PLA2G4C: variants seen among roughly 807,000 people sequenced by gnomAD.
PLA2G4C encodes the protein phospholipase A2 group IVC.
PLA2G4C carries 64 observed loss-of-function variants against 73.8 expected under a neutral mutation model. That is an observed-to-expected ratio of 0.87 (90% confidence interval 0.71 to 1.07). PLA2G4C has a LOEUF of 1.07. PLA2G4C is among the 50% of genes least tolerant of loss of function. The pLI is 0.00. For missense variants in PLA2G4C, 622 were observed against 665.4 expected (o/e 0.93, Z 0.72); for synonymous variants, 254 against 252.1 (o/e 1.01, Z -0.07).
At chr19:48,061,957 A>G in intron 14 of PLA2G4C, 41 bp downstream of exon 14, 1 of 1,602,988 alleles carries the variant, frequency 6.2e-7, no homozygotes, top group Middle Eastern at 1.7e-4. Flanking sequence ...GCCGCAGCCC[A>G]CCTCCCACCC....
chr19:48,083,610 G>A (rs563890461), intron 10 of PLA2G4C, among the ~76,000 whole-genome samples: 107 of 151,558 alleles, frequency 7.1e-4, no homozygotes, highest in Admixed American at 2.0e-3. Flanking sequence ...ACCACGCCCG[G>A]CTAATTTTGT....
chr19:48,083,839 T>G lies in PLA2G4C; in HGVS notation c.844+1220A>C, dbSNP rs1049830046. Reference sequence around the variant, plus strand: ...TGAGAGGTGGAGCTGGGATGTGGATTCAGGCAGACAGGCTTTGGATCAGAA... The same window carrying G: ...TGAGAGGTGGAGCTGGGATGTGGATGCAGGCAGACAGGCTTTGGATCAGAA... On this transcript the variant is annotated intron_variant, in intron 10 of 16. Coordinates refer to ENST00000599921, the MANE Select transcript of PLA2G4C (RefSeq NM_003706.3). 3.1e-4 allele frequency among the ~76,000 whole-genome samples: 47 copies of G among 152,066 alleles called. 1 individual carries two copies. Among genetic ancestry groups the G allele is most frequent in the African/African-American group, 8.2e-4 (34 of 41,400 alleles).
chr19:48,085,747 C>T (rs922312365), intron 9 of PLA2G4C, among the ~76,000 whole-genome samples: 14 of 152,142 alleles, frequency 9.2e-5, no homozygotes, highest in African/African-American at 2.4e-4. Flanking sequence ...TGAAGGGCTG[C>T]GAGTCCCCAG....
intron 16 of PLA2G4C, among the ~76,000 whole-genome samples, chr19:48,049,852 C>T (rs1346501076): frequency 6.6e-6 from 1 of 152,230 alleles, no homozygotes; most frequent in Non-Finnish European, 1.5e-5. Flanking sequence ...CCCCTGTTCA[C>T]ACCTTGATCT....
At chr19:48,107,465 CAA>C (rs1491559269) in intron 1 of PLA2G4C, among the ~76,000 whole-genome samples, 3 of 146,644 alleles carry the variant, frequency 2.0e-5, no homozygotes, top group African/African-American at 7.8e-5. Flanking sequence ...GACCAGAAGA[CAA>C]GTGTGAGCCC....
chr19:48,105,085 A>AT (rs2032104042), intron 3 of PLA2G4C, among the ~76,000 whole-genome samples: 2 of 105,812 alleles, frequency 1.9e-5, no homozygotes, highest in South Asian at 5.1e-4. Context: ...GTTGTCTCAA[A>AT]AAAAAAAAAA....
intron 11 of PLA2G4C, among the ~76,000 whole-genome samples, chr19:48,077,554 A>C (rs901606288): frequency 6.6e-6 from 1 of 152,170 alleles, no homozygotes; most frequent in African/African-American, 2.4e-5. Context: ...AATTCCTATC[A>C]AAATACTATC....
intron 16 of PLA2G4C, among the ~76,000 whole-genome samples, chr19:48,049,935 T>G (rs1447509919): frequency 1.3e-5 from 2 of 152,208 alleles, no homozygotes; most frequent in Non-Finnish European, 2.9e-5. Flanking sequence ...TGGTACTTTT[T>G]TCTTTGAGAC....
intron 10 of PLA2G4C, among the ~76,000 whole-genome samples, chr19:48,082,496 C>CTTTTTTTTTTTTTTTTTTTTTTTTTTT (rs66641645): frequency 9.4e-5 from 10 of 106,278 alleles, no homozygotes; most frequent in African/African-American, 2.6e-4. Flanking sequence ...TTCTTTCTTT[C>CTTTTTTTTTTTTTTTTTTTTTTTTTTT]TTTTTTTTTT....
At chr19:48,073,898 G>A (rs946212850) in intron 12 of PLA2G4C, among the ~76,000 whole-genome samples, 27 of 151,934 alleles carry the variant, frequency 1.8e-4, no homozygotes, top group African/African-American at 6.3e-4. Flanking sequence ...TGAGGGATCC[G>A]CCCCCATGAT....
intron 3 of PLA2G4C, among the ~76,000 whole-genome samples, chr19:48,105,130 G>T (rs958203822): frequency 2.2e-4 from 28 of 126,526 alleles, no homozygotes; most frequent in African/African-American, 1.2e-3. Context: ...AAAAAGAAAG[G>T]AGGAGGAGGA....
rs1199854215 is a variant in PLA2G4C at position 48,072,070 on chromosome 19, C to T, written c.1006+2697G>A. On this transcript the variant is annotated intron_variant, in intron 12 of 16. Transcript: ENST00000599921. This position sits in a 1 kb window ranked among gnomAD's most constrained non-coding sequence, Gnocchi z 4.4. ...CTGAGGCAGGAGAATCGCTTGAACC[C>T]GGGAGGCAGAGGTTGCAGTGAGCCA... Among the ~76,000 whole-genome samples, 8 of 151,858 alleles carry T rather than the reference C, an allele frequency of 5.3e-5. No individual in the cohort carries two copies. Among genetic ancestry groups the T allele is most frequent in the Non-Finnish European group, 1.0e-4 (7 of 67,974 alleles).
chr19:48,053,560 C>T (rs554843809), intron 15 of PLA2G4C, among the ~76,000 whole-genome samples: 24 of 151,992 alleles, frequency 1.6e-4, no homozygotes, highest in South Asian at 1.5e-3. Flanking sequence ...TTAATAGAGA[C>T]GGGGTTTCAC....
At chr19:48,062,732 G>C (rs571324892) in intron 13 of PLA2G4C, among the ~76,000 whole-genome samples, 1 of 152,272 alleles carries the variant, frequency 6.6e-6, no homozygotes, top group African/African-American at 2.4e-5. Context: ...GGGGTTTTTG[G>C]CGTGAAGTTC....
In PLA2G4C at chr19:48,048,327, G is replaced by A. The variant is rs1967597538; in HGVS notation, c.*16C>T. The A allele has an allele frequency of 6.3e-7, 1 of 1,594,154 alleles. No individual in the cohort carries two copies. Among genetic ancestry groups the A allele is most frequent in the Non-Finnish European group, 8.5e-7 (1 of 1,171,894 alleles). On this transcript the variant is annotated 3_prime_UTR_variant, in exon 17 of 17. Coordinates refer to ENST00000599921, the MANE Select transcript of PLA2G4C (RefSeq NM_003706.3). The stretch of plus-strand genomic sequence containing the variant: ...TAGACCAACAGGCCCACAGTGCCCT[G>A]GAAGCTGAGGCTCATCTATGCCAAG...
At chr19:48,074,175 C>G (rs2122546776) in intron 12 of PLA2G4C, among the ~76,000 whole-genome samples, 1 of 152,084 alleles carries the variant, frequency 6.6e-6, no homozygotes, top group South Asian at 2.1e-4. Flanking sequence ...TGTTGTTCCC[C>G]TCCCTGCGTC....
chr19:48,065,016 G>C (rs1233421760), intron 13 of PLA2G4C: 1 of 152,164 alleles, frequency 6.6e-6, no homozygotes, highest in East Asian at 1.9e-4. Flanking sequence ...GGTTCCTCTT[G>C]CTGATGAAAA....
chr19:48,058,091 G>A (rs568247847), intron 14 of PLA2G4C, among the ~76,000 whole-genome samples: 11 of 151,736 alleles, frequency 7.2e-5, no homozygotes, highest in Non-Finnish European at 1.5e-4. Context: ...CTGAGGTCGG[G>A]AGTTCAAGAC....
At chr19:48,089,219 G>T (rs1411460567) in intron 8 of PLA2G4C, among the ~76,000 whole-genome samples, 3 of 152,156 alleles carry the variant, frequency 2.0e-5, no homozygotes. Flanking sequence ...TTGAGGTCAG[G>T]AGTTCAAGAC....
Sources: gnomAD v4.1 joint callset for allele counts (sites outside exome capture counted in the v4.1 genomes callset) on GRCh38, gnomAD v4.1.1 for gene constraint, Gnocchi (gnomAD v3.1) non-coding constraint, MANE v1.5 for transcripts, NCBI Gene and HGNC (gene_info 2026-07-23, HGNC 2026-07-21) for gene names.